The following TMEM17 variants were observed in gnomAD, a reference collection of about 807,000 sequenced individuals.
TMEM17 encodes transmembrane protein 17.
A neutral mutation model predicts 19.1 loss-of-function variants in TMEM17; 15 were observed. The ratio of observed to expected loss-of-function variants is 0.78; its 90% confidence interval spans 0.52 to 1.21. TMEM17 has a LOEUF of 1.21. TMEM17 is among the 50% of genes most tolerant of loss of function. The pLI is 0.00. For missense variants in TMEM17, 245 were observed against 242.3 expected (o/e 1.01, Z -0.07); for synonymous variants, 103 against 86.9 (o/e 1.19, Z -1.03).
chr2:62,505,995 G>T (rs1159424762), intron 1 of TMEM17, 35 bp downstream of exon 1: 10 of 1,572,408 alleles, frequency 6.4e-6, no homozygotes, highest in Admixed American at 1.8e-5. Context: ...GCCCTCGGCA[G>T]GCCACACCCC....
downstream of TMEM17, among the ~76,000 whole-genome samples, chr2:62,495,814 A>G (rs1280188364): frequency 5.9e-5 from 9 of 152,186 alleles, no homozygotes; most frequent in East Asian, 1.9e-4. Context: ...TATGTTTCCA[A>G]TCTTGGCTTA....
chr2:62,471,691 G>A, the TMEM17 span, among the ~76,000 whole-genome samples: 1 of 152,348 alleles, frequency 6.6e-6, no homozygotes, highest in Non-Finnish European at 1.5e-5. Flanking sequence ...AATCTTGAAA[G>A]ATTAGAATTT....
At chr2:62,476,835 T>C in the TMEM17 span, among the ~76,000 whole-genome samples, 1 of 152,214 alleles carries the variant, frequency 6.6e-6, no homozygotes, top group Non-Finnish European at 1.5e-5. Context: ...GAGCTGTGTA[T>C]TGGACTTCCT....
intron 1 of TMEM17, among the ~76,000 whole-genome samples, chr2:62,505,408 C>T (rs1680039227): frequency 6.6e-6 from 1 of 152,048 alleles, no homozygotes; most frequent in African/African-American, 2.4e-5. Flanking sequence ...TGTTGAACGC[C>T]CGGCTAGTAT....
At chr2:62,477,136 C>T in the TMEM17 span, among the ~76,000 whole-genome samples, 1 of 152,182 alleles carries the variant, frequency 6.6e-6, no homozygotes, top group Non-Finnish European at 1.5e-5. Context: ...GTGGCTCACG[C>T]CTGTAATCCC....
chr2:62,500,359 TTTC>T lies in TMEM17; in HGVS notation c.*847_*849del, dbSNP rs1271294066. On this transcript the variant is annotated 3_prime_UTR_variant, in exon 4 of 4. Transcript: ENST00000335390. ...CTAAATACCAAGGCAATCCACCTGTTTTCTTCTTCATCTCAGTATAACAGCTAA... is the reference window on the plus strand; with the variant it reads ...CTAAATACCAAGGCAATCCACCTGTTTTCTTCATCTCAGTATAACAGCTAA... 6.6e-6 allele frequency: 1 copy of T among 152,234 alleles called. No homozygotes were observed. Among genetic ancestry groups the T allele is most frequent in the Non-Finnish European group, 1.5e-5 (1 of 68,044 alleles). 9.4% of individuals were successfully genotyped at this position (152,234 alleles called of 1,614,324 possible).
chr2:62,501,626 T>TTG, intron 3 of TMEM17, 139 bp from the exon 4 acceptor site: 1 of 822,578 alleles, frequency 1.2e-6, no homozygotes, highest in Non-Finnish European at 1.9e-6. Flanking sequence ...ACATGGTCCT[T>TTG]GTCCTCAGAG....
chr2:62,484,119 T>C, the TMEM17 span, among the ~76,000 whole-genome samples: 1 of 152,274 alleles, frequency 6.6e-6, no homozygotes, highest in East Asian at 1.9e-4. Flanking sequence ...TTCACTTTTA[T>C]TGCATTTTTC....
chr2:62,497,184 G>A (rs557313383), downstream of TMEM17, among the ~76,000 whole-genome samples: 20 of 152,112 alleles, frequency 1.3e-4, no homozygotes, highest in Non-Finnish European at 2.1e-4. Flanking sequence ...GCTTGTTCTC[G>A]CCTAACTTAC....
At chr2:62,460,896 G>T in the TMEM17 span, among the ~76,000 whole-genome samples, 2 of 152,186 alleles carry the variant, frequency 1.3e-5, no homozygotes, top group East Asian at 3.8e-4. Context: ...CCCTACTTCT[G>T]TCTAGTGCAG....
chr2:62,458,485 TG>T, the TMEM17 span, among the ~76,000 whole-genome samples: 7 of 152,302 alleles, frequency 4.6e-5, no homozygotes, highest in Admixed American at 3.3e-4. Flanking sequence ...CCACCAGCCA[TG>T]AGGCTTTGGG....
At chr2:62,496,877 C>A (rs1317025346), downstream of TMEM17, among the ~76,000 whole-genome samples, 1 of 152,190 alleles carries the variant, frequency 6.6e-6, no homozygotes, top group Non-Finnish European at 1.5e-5. Flanking sequence ...GCAGAATGAT[C>A]ACTTGAGGCT....
chr2:62,487,699 T>G, the TMEM17 span, among the ~76,000 whole-genome samples: 2 of 152,248 alleles, frequency 1.3e-5, no homozygotes, highest in African/African-American at 4.8e-5. Context: ...ACTCCAAGTT[T>G]ACTTTGTTTG....
chr2:62,459,541 A>T, the TMEM17 span, among the ~76,000 whole-genome samples: 15 of 152,322 alleles, frequency 9.8e-5, no homozygotes, highest in African/African-American at 3.1e-4. Context: ...ACAACAAGGG[A>T]TTTTACAAGA....
chr2:62,493,081 G>A, the TMEM17 span, among the ~76,000 whole-genome samples: 12 of 152,136 alleles, frequency 7.9e-5, no homozygotes, highest in African/African-American at 2.9e-4. Context: ...CCAGGCTGGA[G>A]TGCAGTGGTG....
chr2:62,466,412 G>C, the TMEM17 span, among the ~76,000 whole-genome samples: 1 of 152,180 alleles, frequency 6.6e-6, no homozygotes, highest in Non-Finnish European at 1.5e-5. Context: ...TGGATGTTGG[G>C]AAACAGTCCA....
At chr2:62,466,759 G>T in the TMEM17 span, among the ~76,000 whole-genome samples, 2 of 152,206 alleles carry the variant, frequency 1.3e-5, no homozygotes, top group East Asian at 1.9e-4. Flanking sequence ...CCCTCTGAGA[G>T]GGGGAGCTAC....
chr2:62,481,698 G>GGTGTGTGTGTGTGTGTGTGT, the TMEM17 span, among the ~76,000 whole-genome samples: 3 of 144,052 alleles, frequency 2.1e-5, no homozygotes, highest in African/African-American at 7.8e-5. Flanking sequence ...ACCCCTTAAA[G>GGTGTGTGTGTGTGTGTGTGT]GTGTGTGTGT....
chr2:62,494,730 G>A, the TMEM17 span, among the ~76,000 whole-genome samples: 932 of 152,192 alleles, frequency 6.1e-3, 8 homozygotes, highest in Non-Finnish European at 0.01. Flanking sequence ...TTGGCCGGAC[G>A]CAGTGGCTCA....
Sources: allele counts gnomAD v4.1 joint callset (sites outside exome capture counted in the v4.1 genomes callset), GRCh38; gene constraint gnomAD v4.1.1; transcripts MANE v1.5; gene names NCBI Gene and HGNC (gene_info 2026-07-23, HGNC 2026-07-21).